Variants in SLIT2 observed in about 807,000 individuals in gnomAD.
SLIT2 encodes slit homolog 2 protein.
In SLIT2, 41 loss-of-function variants were observed where a neutral mutation model predicts 185.7. The observed-to-expected ratio is 0.22, with a 90% CI of 0.17 to 0.29. The LOEUF (loss-of-function observed/expected upper bound fraction) is 0.29. SLIT2 is among the 10% of genes least tolerant of loss of function. The pLI, the probability that SLIT2 is intolerant of heterozygous loss-of-function variation, is 1.00. For synonymous variants in SLIT2, 693 were observed against 680.2 expected, an observed-to-expected ratio of 1.02 and a Z score of -0.29; for missense variants, 1,571 against 1,909.0, an observed-to-expected ratio of 0.82 and a Z score of 3.30.
At chr4:20,554,271 T>C (rs1369718394) in intron 26 of SLIT2, 1 of 490,654 alleles carries the variant, frequency 2.0e-6, no homozygotes, top group South Asian at 1.6e-5. Flanking sequence ...TCAAATGTTT[T>C]GCTTTTGCCC....
chr4:20,393,157 A>G (rs895231202), intron 4 of SLIT2, among the ~76,000 whole-genome samples: 8 of 152,108 alleles, frequency 5.3e-5, no homozygotes, highest in African/African-American at 1.9e-4. Flanking sequence ...TTATAGGACC[A>G]TCATTGTATA....
At chr4:20,561,038 A>G (rs940591094) in intron 26 of SLIT2, among the ~76,000 whole-genome samples, 3 of 151,876 alleles carry the variant, frequency 2.0e-5, no homozygotes, top group Non-Finnish European at 4.4e-5. Flanking sequence ...CCAGATGACT[A>G]TGGAATTGTA....
At chr4:20,276,693 T>G (rs1399242436) in intron 4 of SLIT2, among the ~76,000 whole-genome samples, 1 of 152,158 alleles carries the variant, frequency 6.6e-6, no homozygotes, top group African/African-American at 2.4e-5. Context: ...CTTCTGCTAG[T>G]GAAAGATTAA....
intron 4 of SLIT2, among the ~76,000 whole-genome samples, chr4:20,325,902 G>A (rs1719542117): frequency 6.6e-6 from 1 of 152,048 alleles, no homozygotes; most frequent in African/African-American, 2.4e-5. Context: ...TTGCTTTGTG[G>A]TGGAATACAG....
In SLIT2 at chr4:20,338,353, T is replaced by C. The variant is rs370036513; in HGVS notation, c.395+69472T>C. 2.6e-5 allele frequency among the ~76,000 whole-genome samples: 4 copies of C among 152,274 alleles called. No homozygotes were observed. The East Asian group carries it at 7.7e-4, about 29-fold the overall frequency. ...GACTTCTTTTTTGATGGCACAATTA[T>C]TTTCATAATATTAGATTGAATTAAG... On this transcript the variant is annotated intron_variant, in intron 4 of 36. Coordinates refer to ENST00000504154, the MANE Select transcript of SLIT2 (RefSeq NM_004787.4).
intron 4 of SLIT2, among the ~76,000 whole-genome samples, chr4:20,446,592 A>C (rs924515886): frequency 1.8e-4 from 27 of 152,248 alleles, no homozygotes; most frequent in African/African-American, 5.1e-4. Context: ...GTTTAAAAGC[A>C]CAGGCTTGGC....
intron 29 of SLIT2, among the ~76,000 whole-genome samples, chr4:20,575,482 C>T (rs1240018174): frequency 4.6e-5 from 7 of 152,100 alleles, no homozygotes; most frequent in Non-Finnish European, 1.5e-5. Flanking sequence ...TATGAAACAA[C>T]GATAAACCAC....
At chr4:20,489,196 T>C (rs1184495568) in intron 8 of SLIT2, among the ~76,000 whole-genome samples, 4 of 152,228 alleles carry the variant, frequency 2.6e-5, no homozygotes, top group Admixed American at 2.6e-4. Context: ...TAAATTATGA[T>C]AAAACACTTT....
chr4:20,402,458 A>G (rs1474726385), intron 4 of SLIT2, among the ~76,000 whole-genome samples: 2 of 151,870 alleles, frequency 1.3e-5, no homozygotes, highest in African/African-American at 4.8e-5. Flanking sequence ...TGAAAATTTC[A>G]TGTTTGTTAT....
chr4:20,475,627 T>G (rs1482606853), intron 5 of SLIT2, among the ~76,000 whole-genome samples: 2 of 152,090 alleles, frequency 1.3e-5, no homozygotes, highest in East Asian at 1.9e-4. Flanking sequence ...TGCTAATTTC[T>G]CCTTCCCAAG....
At chr4:20,533,244 T>C (rs1721962675) in intron 17 of SLIT2, among the ~76,000 whole-genome samples, 1 of 152,218 alleles carries the variant, frequency 6.6e-6, no homozygotes, top group Non-Finnish European at 1.5e-5. Context: ...ATCAGGGACT[T>C]TTTTTGAAAA....
At chr4:20,333,645 A>G (rs908974947) in intron 4 of SLIT2, among the ~76,000 whole-genome samples, 1 of 152,144 alleles carries the variant, frequency 6.6e-6, no homozygotes, top group African/African-American at 2.4e-5. Flanking sequence ...CTGTTGTCAC[A>G]CAGAACAAAG....
At chr4:20,332,437 G>A (rs544210846) in intron 4 of SLIT2, among the ~76,000 whole-genome samples, 4 of 152,196 alleles carry the variant, frequency 2.6e-5, no homozygotes, top group South Asian at 2.1e-4. Flanking sequence ...GGCCAGGTGC[G>A]GTGGCTCACG....
intron 34 of SLIT2, chr4:20,616,109 AT>A (rs1729626628): frequency 2.0e-5 from 3 of 152,196 alleles, no homozygotes; most frequent in Non-Finnish European, 4.4e-5. Flanking sequence ...TTTATTTCTG[AT>A]TTCTTGGACT....
chr4:20,481,775 T>TTTATCAGTA (rs1716726533), intron 6 of SLIT2, among the ~76,000 whole-genome samples: 1 of 152,094 alleles, frequency 6.6e-6, no homozygotes, highest in African/African-American at 2.4e-5. Flanking sequence ...AATGGCTTAT[T>TTTATCAGTA]TTATCAGTAT....
chr4:20,419,976 A>G (rs1728040030), intron 4 of SLIT2, among the ~76,000 whole-genome samples: 2 of 152,118 alleles, frequency 1.3e-5, no homozygotes, highest in Non-Finnish European at 2.9e-5. Flanking sequence ...TGGCTCATGC[A>G]GGTTCTGTGC....
chr4:20,321,464 A>C (rs1270455176), intron 4 of SLIT2, among the ~76,000 whole-genome samples: 1 of 152,210 alleles, frequency 6.6e-6, no homozygotes, highest in Admixed American at 6.5e-5. Context: ...AGGAGCCATA[A>C]AATTCAAGCT....
intron 29 of SLIT2, among the ~76,000 whole-genome samples, chr4:20,573,940 T>TTATC (rs1553843728): frequency 4.1e-5 from 6 of 147,926 alleles, no homozygotes; most frequent in African/African-American, 1.5e-4. Context: ...TAGAATTATT[T>TTATC]TATTTATTTA....
At position 20,338,125 on chromosome 4, in the gene SLIT2, C is replaced by A. The variant is rs1356112457; in HGVS notation, c.395+69244C>A. The stretch of plus-strand genomic sequence containing the variant: ...ATTTTTTTGGTATATTTAAATGATT[C>A]ATTTTCAGTCTCTCATACATTTTTA... On this transcript the variant is annotated intron_variant, in intron 4 of 36. Coordinates refer to ENST00000504154, the MANE Select transcript of SLIT2 (RefSeq NM_004787.4). Among the ~76,000 whole-genome samples the A allele has an allele frequency of 3.3e-5, 5 of 152,136 alleles. No individual in the cohort carries two copies. The East Asian group carries it at 9.6e-4, about 29-fold the overall frequency.
Sources: allele counts gnomAD v4.1 joint callset (sites outside exome capture counted in the v4.1 genomes callset), GRCh38; gene constraint gnomAD v4.1.1; transcripts MANE v1.5; gene names NCBI Gene and HGNC (gene_info 2026-07-23, HGNC 2026-07-21).